The following UNC13C variants were observed in gnomAD, a reference collection of about 807,000 sequenced individuals.
UNC13C encodes protein unc-13 homolog C.
In UNC13C, 174 loss-of-function variants were observed where a neutral mutation model predicts 245.4. That is an observed-to-expected ratio of 0.71 (90% confidence interval 0.63 to 0.80). The LOEUF is 0.80. Among genes scored for constraint, UNC13C ranks in the 30% least tolerant of loss-of-function variants. UNC13C has a pLI of 0.00. For synonymous variants in UNC13C, 992 were observed against 895.1 expected, an observed-to-expected ratio of 1.11 and a Z score of -1.93; for missense variants, 2,829 against 2,602.9, an observed-to-expected ratio of 1.09 and a Z score of -1.89.
In UNC13C at chr15:54,248,024, C is replaced by A. The variant is rs1392197417; in HGVS notation, c.3229-2201C>A. Among the ~76,000 whole-genome samples the A allele has an allele frequency of 7.9e-5, 12 of 152,070 alleles. 1 individual carries two copies. The highest frequency in any genetic ancestry group is 1.2e-4 in the Non-Finnish European group (8 of 68,004). ...GGAAAGTGGACATAGGGAATTAGAT[C>A]ATATATATTAATCATTTACTTAATC... On this transcript the variant is annotated intron_variant, in intron 7 of 32. Transcript: ENST00000260323.
At chr15:53,898,784 T>C in the UNC13C span, among the ~76,000 whole-genome samples, 1 of 152,202 alleles carries the variant, frequency 6.6e-6, no homozygotes, top group Non-Finnish European at 1.5e-5. Context: ...TTTAAAAAAA[T>C]ATAAGAATAC....
intron 17 of UNC13C, among the ~76,000 whole-genome samples, chr15:54,367,835 A>G (rs913686813): frequency 2.0e-5 from 3 of 152,280 alleles, no homozygotes; most frequent in Non-Finnish European, 2.9e-5. Context: ...AGCCACATGT[A>G]GCTGTTGAGC....
At chr15:54,213,657 C>T (rs998499880) in intron 4 of UNC13C, among the ~76,000 whole-genome samples, 5 of 151,994 alleles carry the variant, frequency 3.3e-5, no homozygotes, top group Admixed American at 6.6e-5. Flanking sequence ...ACCTTAAAGA[C>T]GCAAGTTGTT....
At chr15:54,578,784 T>G (rs952828392) in intron 30 of UNC13C, among the ~76,000 whole-genome samples, 1 of 152,176 alleles carries the variant, frequency 6.6e-6, no homozygotes, top group African/African-American at 2.4e-5. Context: ...CAGGGAGAAC[T>G]GCTTGAGGTC....
At chr15:53,875,065 C>G in the UNC13C span, among the ~76,000 whole-genome samples, 5 of 151,920 alleles carry the variant, frequency 3.3e-5, no homozygotes, top group Non-Finnish European at 5.9e-5. Flanking sequence ...TGCACTCCAG[C>G]CTGGTGACAG....
At chr15:54,537,250 A>G (rs1433262209) in intron 26 of UNC13C, among the ~76,000 whole-genome samples, 1 of 152,016 alleles carries the variant, frequency 6.6e-6, no homozygotes, top group African/African-American at 2.4e-5. Context: ...CACATACAAG[A>G]AAATCCCTAG....
chr15:54,071,794 G>A (rs1897025), intron 2 of UNC13C, among the ~76,000 whole-genome samples: 30,100 of 152,056 alleles, frequency 0.2, 3,136 homozygotes, highest in Admixed American at 0.29. Context: ...TAATGGCAGC[G>A]TTGAGTAGTT....
At chr15:54,416,313 G>A (rs968917490) in intron 19 of UNC13C, among the ~76,000 whole-genome samples, 2 of 152,060 alleles carry the variant, frequency 1.3e-5, no homozygotes, top group African/African-American at 2.4e-5. Context: ...TAGCTTTCCT[G>A]TACCAGGTTG....
intron 4 of UNC13C, among the ~76,000 whole-genome samples, chr15:54,171,668 G>T (rs2033404381): frequency 6.6e-6 from 1 of 152,092 alleles, no homozygotes; most frequent in Non-Finnish European, 1.5e-5. Context: ...TTGTAAATTA[G>T]TACAACCACT....
In UNC13C at chr15:54,553,542, A is replaced by G. The variant is rs188264750; in HGVS notation, c.5878-1890A>G. ...ATATATAACATATATTTGCCTCAAAATATTTCATATAATCAGATTTATTTG... is the reference window on the plus strand; with the variant it reads ...ATATATAACATATATTTGCCTCAAAGTATTTCATATAATCAGATTTATTTG... On this transcript the variant is annotated intron_variant, in intron 28 of 32. Coordinates refer to ENST00000260323, the MANE Select transcript of UNC13C (RefSeq NM_001080534.3). Among the ~76,000 whole-genome samples, 43 of 143,590 alleles carry G rather than the reference A, an allele frequency of 3.0e-4. No individual in the cohort carries two copies. In the East Asian group the frequency reaches 4.4e-3, roughly 15 times the overall value. 94.2% of individuals were successfully genotyped at this position (143,590 alleles called of 152,430 possible).
the UNC13C span, among the ~76,000 whole-genome samples, chr15:53,860,663 T>C: frequency 6.6e-6 from 1 of 152,200 alleles, no homozygotes; most frequent in Admixed American, 6.5e-5. Flanking sequence ...CCTAATCCTT[T>C]CAAACCATTC....
intron 2 of UNC13C, among the ~76,000 whole-genome samples, chr15:54,023,388 C>T (rs988996582): frequency 2.6e-5 from 4 of 152,106 alleles, no homozygotes; most frequent in Non-Finnish European, 5.9e-5. Flanking sequence ...TTAAAGTCAG[C>T]CAATTTTGTG....
intron 8 of UNC13C, among the ~76,000 whole-genome samples, chr15:54,258,777 C>T (rs2140880649): frequency 6.6e-6 from 1 of 152,296 alleles, no homozygotes; most frequent in African/African-American, 2.4e-5. Flanking sequence ...ATTGAATCCT[C>T]ATACTGTTAA....
chr15:54,372,204 C>T (rs1264585686), intron 17 of UNC13C, among the ~76,000 whole-genome samples: 1 of 151,696 alleles, frequency 6.6e-6, no homozygotes, highest in Non-Finnish European at 1.5e-5. Context: ...TATTGTGTAC[C>T]ATAAATGCAT....
chr15:54,343,890 G>A, intron 17 of UNC13C, among the ~76,000 whole-genome samples: 1 of 149,594 alleles, frequency 6.7e-6, no homozygotes, highest in South Asian at 2.1e-4. Flanking sequence ...TTAACATTTG[G>A]GGTAAGGGGG....
At chr15:54,319,216 C>T (rs2038086261) in intron 13 of UNC13C, among the ~76,000 whole-genome samples, 1 of 151,120 alleles carries the variant, frequency 6.6e-6, no homozygotes, top group Admixed American at 6.6e-5. Context: ...GTCACCTACA[C>T]CATTTTAGGC....
At chr15:53,885,142 T>C in the UNC13C span, among the ~76,000 whole-genome samples, 1 of 152,208 alleles carries the variant, frequency 6.6e-6, no homozygotes, top group African/African-American at 2.4e-5. Flanking sequence ...ACCCCCAAAG[T>C]AGGGCGCCTT....
Position 54,101,605 on chromosome 15 carries a change from G to A in UNC13C, c.2984-41413G>A, listed in dbSNP as rs547893437. Among the ~76,000 whole-genome samples, 9 of 151,490 alleles carry A rather than the reference G, an allele frequency of 5.9e-5. No individual in the cohort carries two copies. The South Asian group carries it at 1.9e-3, about 32-fold the overall frequency. On this transcript the variant is annotated intron_variant, in intron 2 of 32. Transcript: ENST00000260323. ...TCCTCCCCCTTTTTTTTTTGACAAG[G>A]AATCTTGCTCCATTGCCCAGGCAGG... is the stretch of plus-strand genomic sequence containing the variant.
chr15:53,862,559 G>T, the UNC13C span, among the ~76,000 whole-genome samples: 1 of 152,226 alleles, frequency 6.6e-6, no homozygotes, highest in East Asian at 1.9e-4. Context: ...CCCAGGCAGG[G>T]TCTTAATAGG....
Sources: allele counts gnomAD v4.1 joint callset (sites outside exome capture counted in the v4.1 genomes callset), GRCh38; gene constraint gnomAD v4.1.1; transcripts MANE v1.5; gene names NCBI Gene and HGNC (gene_info 2026-07-23, HGNC 2026-07-21).